LCLAT1: variants seen among roughly 807,000 people sequenced by gnomAD.
LCLAT1 encodes the protein 1-AGP acyltransferase 8.
A neutral mutation model predicts 30.7 loss-of-function variants in LCLAT1; 11 were observed. That is an observed-to-expected ratio of 0.36 (90% CI 0.23 to 0.59). LCLAT1 has a LOEUF of 0.59. Among genes scored for constraint, LCLAT1 ranks in the 20% least tolerant of loss-of-function variants. The pLI, the probability that LCLAT1 is intolerant of heterozygous loss-of-function variation, is 0.77. For missense variants in LCLAT1, 402 were observed against 458.6 expected (o/e 0.88, Z 1.13); for synonymous variants, 155 against 151.3 (o/e 1.02, Z -0.18).
At position 30,533,118 on chromosome 2, in the gene LCLAT1, A is replaced by G; in HGVS notation, c.168A>G (p.Ala56=). 6.2e-7 allele frequency: 1 copy of G among 1,610,596 alleles called. No individual in the cohort carries two copies. The highest frequency in any genetic ancestry group is 8.5e-7 in the Non-Finnish European group (1 of 1,176,724). The change falls in exon 3 of 6, where the codon GCA becomes GCG. Residue 56 remains alanine, a splice_region_variant and synonymous_variant. Transcript: ENST00000379509. ...LVATWLTLPV[A]LLETMFGVKV... is the part of the protein sequence containing the mutation. ...GTATATCTGTATTGTTTTCTTAGGCATTATTGGAGACCATGTTTGGTGTAA... is the reference window on the plus strand; with the variant it reads ...GTATATCTGTATTGTTTTCTTAGGCGTTATTGGAGACCATGTTTGGTGTAA...
At chr2:30,514,659 A>G (rs1325607276) in intron 1 of LCLAT1, among the ~76,000 whole-genome samples, 1 of 152,270 alleles carries the variant, frequency 6.6e-6, no homozygotes, top group South Asian at 2.1e-4. Flanking sequence ...TCCTAACTTT[A>G]TAAGTGAGGT....
intron 1 of LCLAT1, among the ~76,000 whole-genome samples, chr2:30,465,369 T>G (rs551648492): frequency 6.6e-6 from 1 of 152,264 alleles, no homozygotes; most frequent in South Asian, 2.1e-4. Flanking sequence ...ACCTGGAGCC[T>G]TTGGAGGGAG....
intron 5 of LCLAT1, among the ~76,000 whole-genome samples, chr2:30,575,224 A>G (rs961718912): frequency 6.6e-6 from 1 of 150,716 alleles, no homozygotes; most frequent in African/African-American, 2.4e-5. Flanking sequence ...TACTCTATAC[A>G]TTTCTGTTAA....
At chr2:30,623,853 T>C (rs916119032) in intron 5 of LCLAT1, among the ~76,000 whole-genome samples, 1 of 152,204 alleles carries the variant, frequency 6.6e-6, no homozygotes, top group African/African-American at 2.4e-5. Flanking sequence ...TCTTAAGAGC[T>C]GTAAGGCAAA....
intron 1 of LCLAT1, among the ~76,000 whole-genome samples, chr2:30,500,780 A>T (rs950816564): frequency 3.9e-5 from 6 of 152,188 alleles, no homozygotes; most frequent in African/African-American, 1.4e-4. Context: ...AAACTAGCCC[A>T]CTTGTCCCAT....
intron 5 of LCLAT1, among the ~76,000 whole-genome samples, chr2:30,604,228 G>A (rs1667322373): frequency 6.6e-6 from 1 of 152,144 alleles, no homozygotes; most frequent in Non-Finnish European, 1.5e-5. Flanking sequence ...ACTTGCAAGG[G>A]ACAGGGATAA....
At chr2:30,482,729 A>C (rs1443643070) in intron 1 of LCLAT1, among the ~76,000 whole-genome samples, 1 of 151,710 alleles carries the variant, frequency 6.6e-6, no homozygotes, top group Non-Finnish European at 1.5e-5. Flanking sequence ...TGAGGCTAGT[A>C]GTTCGATTAA....
intron 5 of LCLAT1, among the ~76,000 whole-genome samples, chr2:30,634,795 G>A (rs149493722): frequency 5.6e-4 from 85 of 152,298 alleles, no homozygotes; most frequent in Middle Eastern, 3.4e-3. Context: ...TTTTAGCCCA[G>A]TTATAAATGG....
chr2:30,531,300 T>A lies in LCLAT1; in HGVS notation c.166-1816T>A, dbSNP rs1050062612. On this transcript the variant is annotated intron_variant, in intron 2 of 5. Coordinates refer to ENST00000379509, the MANE Select transcript of LCLAT1 (RefSeq NM_001002257.3). ...AAAGAAAAAGGGACATTTTTTGCTG[T>A]GGATCCACACCTGTAGGACTCTGCC... 3.3e-5 allele frequency among the ~76,000 whole-genome samples: 5 copies of A among 152,194 alleles called. No homozygotes were observed. In the South Asian group the frequency reaches 1.0e-3, roughly 32 times the overall value.
intron 3 of LCLAT1, among the ~76,000 whole-genome samples, chr2:30,536,794 A>G (rs933119489): frequency 1.3e-5 from 2 of 152,236 alleles, no homozygotes; most frequent in African/African-American, 4.8e-5. Context: ...AGACAAGAAG[A>G]AAGATACAAA....
In LCLAT1 at chr2:30,525,569, C is replaced by A; in HGVS notation, c.-4-18C>A. ...TAAATGTATAGTAACAAAATATATC[C>A]TTTTTTATATCTTTCAGAATCATGG... On this transcript the variant is annotated intron_variant, in intron 1 of 5. Transcript: ENST00000379509. 1 of 1,594,778 alleles carries A rather than the reference C, an allele frequency of 6.3e-7. No individual in the cohort carries two copies. Among genetic ancestry groups the A allele is most frequent in the Non-Finnish European group, 8.6e-7 (1 of 1,163,566 alleles).
intron 3 of LCLAT1, among the ~76,000 whole-genome samples, chr2:30,558,880 CAGGTTTAACGAA>C (rs1375169781): frequency 6.6e-6 from 1 of 152,080 alleles, no homozygotes; most frequent in Non-Finnish European, 1.5e-5. Context: ...AATGGGTGCT[CAGGTTTAACGAA>C]AGACAGGTAC....
At chr2:30,516,276 ACT>A (rs1411663457) in intron 1 of LCLAT1, among the ~76,000 whole-genome samples, 6 of 151,610 alleles carry the variant, frequency 4.0e-5, no homozygotes, top group African/African-American at 1.5e-4. Context: ...GCAACTGCAC[ACT>A]CTTCTGGTCC....
rs1308184654 is a variant in LCLAT1, at chr2:30,640,983, G to A, written c.*364G>A. The stretch of plus-strand genomic sequence containing the variant: ...ATCTGGAACTCGTCAACAACAGCCC[G>A]GATCACATGCTGTTACTGGACTGCC... On this transcript the variant is annotated 3_prime_UTR_variant, in exon 6 of 6. Coordinates refer to ENST00000379509, the MANE Select transcript of LCLAT1 (RefSeq NM_001002257.3). 2 of 227,770 alleles carry A rather than the reference G, an allele frequency of 8.8e-6. No homozygotes were observed. The highest frequency in any genetic ancestry group is 2.4e-5 in the African/African-American group (1 of 42,164). 14.1% of individuals were successfully genotyped at this position (227,770 alleles called of 1,614,324 possible). A position where few individuals can be genotyped will look rare whatever the true frequency, so the allele number is the denominator to read the frequency against.
At chr2:30,603,053 A>G (rs1305576094) in intron 5 of LCLAT1, among the ~76,000 whole-genome samples, 1 of 152,202 alleles carries the variant, frequency 6.6e-6, no homozygotes, top group East Asian at 1.9e-4. Context: ...AATGAGGATA[A>G]TAAAGCTTTA....
Position 30,643,578 on chromosome 2 carries a change from A to G in LCLAT1, c.*2959A>G, listed in dbSNP as rs1040032654. 1.3e-5 allele frequency: 2 copies of G among 152,550 alleles called. No individual in the cohort carries two copies. The highest frequency in any genetic ancestry group is 3.2e-3 in the Middle Eastern group (1 of 316). 9.4% of individuals were successfully genotyped at this position (152,550 alleles called of 1,614,324 possible). On this transcript the variant is annotated 3_prime_UTR_variant, in exon 6 of 6. Coordinates refer to ENST00000379509, the MANE Select transcript of LCLAT1 (RefSeq NM_001002257.3). ...TTGAAATAGTTAATTCAACAGCACC[A>G]TGTTAGAAATATATTGGCAGCCAAG...
chr2:30,517,773 G>A (rs767055277), intron 1 of LCLAT1, among the ~76,000 whole-genome samples: 1 of 152,196 alleles, frequency 6.6e-6, no homozygotes, highest in Admixed American at 6.5e-5. Flanking sequence ...GAAAGTCAGA[G>A]AGAGAAAGAA....
chr2:30,501,258 C>G (rs1684372071), intron 1 of LCLAT1, among the ~76,000 whole-genome samples: 1 of 152,140 alleles, frequency 6.6e-6, no homozygotes, highest in African/African-American at 2.4e-5. Flanking sequence ...CAGTGATTGG[C>G]TTTCTGTGCT....
Position 30,643,948 on chromosome 2 carries a change from T to G in LCLAT1, c.*3329T>G, listed in dbSNP as rs1364231473. 6.6e-6 allele frequency: 1 copy of G among 152,628 alleles called. No homozygotes were observed. The highest frequency in any genetic ancestry group is 1.9e-4 in the East Asian group (1 of 5,192). The allele number at this position is 152,628 out of a possible 1,614,324, so 9.5% of individuals were successfully genotyped here. On this transcript the variant is annotated 3_prime_UTR_variant, in exon 6 of 6. Coordinates refer to ENST00000379509, the MANE Select transcript of LCLAT1 (RefSeq NM_001002257.3). Reference sequence around the variant, plus strand: ...GCTGAGGTAGTGGTTGCCTTAGAGCTGTTATTTATGCTGTAGAAAACGAAA... The same window carrying G: ...GCTGAGGTAGTGGTTGCCTTAGAGCGGTTATTTATGCTGTAGAAAACGAAA...
Sources: allele counts gnomAD v4.1 joint callset (sites outside exome capture counted in the v4.1 genomes callset), GRCh38; gene constraint gnomAD v4.1.1; transcripts MANE v1.5; gene names NCBI Gene and HGNC (gene_info 2026-07-23, HGNC 2026-07-21).